The following KHDRBS3 variants were observed in gnomAD, a reference collection of about 807,000 sequenced individuals.
The protein encoded by KHDRBS3 is KH domain-containing, RNA-binding, signal transduction-associated protein 3.
Under a neutral mutation model 45.6 loss-of-function variants are expected in KHDRBS3, and 23 were observed. The observed-to-expected ratio is 0.50, with a 90% CI of 0.36 to 0.72. The LOEUF (loss-of-function observed/expected upper bound fraction) is 0.72, where lower values mean the gene tolerates loss of function less well. KHDRBS3 is among the 30% of genes least tolerant of loss of function. The probability of loss-of-function intolerance (pLI) is 0.00; values close to 1 mark genes in which losing one functional copy is unlikely to be tolerated. For synonymous variants in KHDRBS3, 162 were observed against 156.5 expected (o/e 1.04, Z -0.26); for missense variants, 352 against 424.8 (o/e 0.83, Z 1.51).
chr8:135,626,803 C>CA (rs57231709), intron 7 of KHDRBS3, among the ~76,000 whole-genome samples: 65,246 of 89,618 alleles, frequency 0.73, 21,779 homozygotes, highest in Non-Finnish European at 0.78. Flanking sequence ...GACTCCGTCT[C>CA]AAAAAAAAAA....
intron 4 of KHDRBS3, among the ~76,000 whole-genome samples, chr8:135,552,565 A>T (rs1485574291): frequency 6.6e-6 from 1 of 152,030 alleles, no homozygotes; most frequent in African/African-American, 2.4e-5. Context: ...TTTTTGTTGA[A>T]AAGTCTGTAT....
intron 7 of KHDRBS3, among the ~76,000 whole-genome samples, chr8:135,623,553 A>G (rs910054406): frequency 3.3e-5 from 5 of 152,134 alleles, no homozygotes; most frequent in Admixed American, 6.5e-5. Flanking sequence ...TGTGTCACCA[A>G]AGCTAAGTTC....
At chr8:135,529,245 G>A (rs552819105) in intron 2 of KHDRBS3, among the ~76,000 whole-genome samples, 6 of 152,252 alleles carry the variant, frequency 3.9e-5, no homozygotes, top group Admixed American at 1.3e-4. Flanking sequence ...ACCGGTAAGC[G>A]GCAGCAGGAG....
intron 5 of KHDRBS3, among the ~76,000 whole-genome samples, chr8:135,580,150 A>G (rs910087789): frequency 6.6e-6 from 1 of 152,182 alleles, no homozygotes; most frequent in Non-Finnish European, 1.5e-5. Context: ...AGTGCTCAAG[A>G]ATAGGCTGGG....
intron 1 of KHDRBS3, among the ~76,000 whole-genome samples, chr8:135,462,123 G>C (rs1821460088): frequency 6.6e-6 from 1 of 152,098 alleles, no homozygotes; most frequent in Non-Finnish European, 1.5e-5. Flanking sequence ...GAGAACTGCA[G>C]AACTGTATTT....
chr8:135,610,501 T>C (rs780800096), intron 7 of KHDRBS3, among the ~76,000 whole-genome samples: 8 of 151,374 alleles, frequency 5.3e-5, no homozygotes, highest in Non-Finnish European at 7.4e-5. Context: ...TTATGCTTGA[T>C]GCTTGGAATA....
intron 2 of KHDRBS3, among the ~76,000 whole-genome samples, chr8:135,534,691 T>C (rs1825645127): frequency 6.6e-6 from 1 of 152,182 alleles, no homozygotes; most frequent in South Asian, 2.1e-4. Flanking sequence ...TCTGCCCCCA[T>C]GACCATACAT....
At chr8:135,627,135 A>G (rs1830408638) in intron 7 of KHDRBS3, among the ~76,000 whole-genome samples, 1 of 152,120 alleles carries the variant, frequency 6.6e-6, no homozygotes, top group Non-Finnish European at 1.5e-5. Context: ...ATCAAATTAG[A>G]TGTTTTAGTT....
intron 1 of KHDRBS3, among the ~76,000 whole-genome samples, chr8:135,461,936 A>C (rs557069562): frequency 1.3e-5 from 2 of 152,344 alleles, no homozygotes; most frequent in East Asian, 1.9e-4. Context: ...AATTCTTAGC[A>C]TTACTTAGAA....
chr8:135,478,008 G>A lies in KHDRBS3; in HGVS notation c.88+20054G>A, dbSNP rs530214562. 7.2e-5 allele frequency among the ~76,000 whole-genome samples: 11 copies of A among 152,306 alleles called. No homozygotes were observed. In the East Asian group the frequency reaches 2.1e-3, roughly 29 times the overall value. On this transcript the variant is annotated intron_variant, in intron 1 of 8. Transcript: ENST00000355849. ...TCAGATCAGCACCACCGGCATTAGAGTCTCATAGGAGTACAAACCCTGCTG... is the reference window on the plus strand; with the variant it reads ...TCAGATCAGCACCACCGGCATTAGAATCTCATAGGAGTACAAACCCTGCTG...
chr8:135,654,613 CT>C (rs1160593418), intron 4 of KHDRBS3, among the ~76,000 whole-genome samples: 1 of 152,214 alleles, frequency 6.6e-6, no homozygotes, highest in African/African-American at 2.4e-5. Context: ...CTCCTGGACA[CT>C]CGTCTGTGTC....
intron 2 of KHDRBS3, among the ~76,000 whole-genome samples, chr8:135,537,361 T>C (rs1168405536): frequency 2.0e-5 from 3 of 152,214 alleles, no homozygotes; most frequent in Non-Finnish European, 4.4e-5. Flanking sequence ...TCTTGAGATT[T>C]AGTTGTTTAT....
intron 2 of KHDRBS3, chr8:135,540,857 TAAG>T (rs1245242175): frequency 6.6e-6 from 1 of 152,180 alleles, no homozygotes; most frequent in Non-Finnish European, 1.5e-5. Context: ...CCGGAATTTT[TAAG>T]AACAGATAGT....
chr8:135,629,661 C>T (rs1378271687), intron 7 of KHDRBS3, among the ~76,000 whole-genome samples: 3 of 152,154 alleles, frequency 2.0e-5, no homozygotes, highest in South Asian at 2.1e-4. Context: ...CACATACAAT[C>T]GTAGTTGATC....
intron 7 of KHDRBS3, among the ~76,000 whole-genome samples, chr8:135,632,441 C>G (rs1414246741): frequency 6.6e-6 from 1 of 152,030 alleles, no homozygotes; most frequent in Non-Finnish European, 1.5e-5. Context: ...AGTGGTCTCA[C>G]TGTCTCAGGT....
chr8:135,570,037 C>G (rs1460527396), intron 5 of KHDRBS3, among the ~76,000 whole-genome samples: 3 of 152,068 alleles, frequency 2.0e-5, no homozygotes, highest in Admixed American at 6.6e-5. Flanking sequence ...TATAAGGCAG[C>G]CTTACGGGGC....
At chr8:135,518,949 A>G (rs754782399) in intron 1 of KHDRBS3, among the ~76,000 whole-genome samples, 24 of 152,348 alleles carry the variant, frequency 1.6e-4, no homozygotes, top group Middle Eastern at 3.4e-3. Flanking sequence ...TTTTATAGAA[A>G]AAATCAATAA....
intron 6 of KHDRBS3, among the ~76,000 whole-genome samples, chr8:135,585,186 C>T (rs1432270906): frequency 1.3e-5 from 2 of 150,112 alleles, no homozygotes; most frequent in Non-Finnish European, 3.0e-5. Context: ...CTGTGATCGC[C>T]CCACTGCACC....
At chr8:135,557,693 T>G (rs1826959124) in intron 5 of KHDRBS3, 106 bp downstream of exon 5, 1 of 833,018 alleles carries the variant, frequency 1.2e-6, no homozygotes, top group Non-Finnish European at 2.0e-6. Flanking sequence ...TGTATTCATG[T>G]GGGCATGGTG....
Sources: allele counts gnomAD v4.1 joint callset (sites outside exome capture counted in the v4.1 genomes callset), GRCh38; gene constraint gnomAD v4.1.1; transcripts MANE v1.5; gene names NCBI Gene and HGNC (gene_info 2026-07-23, HGNC 2026-07-21).